The following DNAH9 variants were observed in gnomAD, a reference collection of about 807,000 sequenced individuals.
DNAH9 encodes the protein dynein axonemal heavy chain 9.
DNAH9 carries 345 observed loss-of-function variants against 471.6 expected under a neutral mutation model. That is an observed-to-expected ratio of 0.73 (90% CI 0.67 to 0.80). The LOEUF (loss-of-function observed/expected upper bound fraction) is 0.80, where lower values mean the gene tolerates loss of function less well. DNAH9 is among the 30% of genes least tolerant of loss of function. The pLI is 0.00. For missense variants in DNAH9, 5,407 were observed against 5,609.2 expected (o/e 0.96, Z 1.15); for synonymous variants, 2,093 against 2,123.6 (o/e 0.99, Z 0.40).
intron 38 of DNAH9, among the ~76,000 whole-genome samples, chr17:11,772,152 T>A (rs1200612136): frequency 6.6e-6 from 1 of 152,118 alleles, no homozygotes; most frequent in Non-Finnish European, 1.5e-5. Flanking sequence ...ACTATTCAAG[T>A]ATTCCAGAGG....
intron 45 of DNAH9, among the ~76,000 whole-genome samples, chr17:11,819,941 C>G (rs879891691): frequency 1.3e-5 from 2 of 151,888 alleles, no homozygotes; most frequent in Non-Finnish European, 2.9e-5. Context: ...TTTATTTTTT[C>G]TTAATTTTTT....
intron 52 of DNAH9, 91 bp from the exon 53 acceptor site, chr17:11,874,855 AAGG>A: frequency 1.1e-6 from 1 of 870,898 alleles, no homozygotes; most frequent in Non-Finnish European, 1.9e-6. Flanking sequence ...CTTGCTTTTA[AAGG>A]AGTTGTGTCA....
intron 13 of DNAH9, among the ~76,000 whole-genome samples, 182 bp from the exon 14 acceptor site, chr17:11,652,579 C>G (rs1221583489): frequency 6.6e-6 from 1 of 152,100 alleles, no homozygotes; most frequent in African/African-American, 2.4e-5. Flanking sequence ...CCCACCGTGC[C>G]CGGCCAGGGT....
At chr17:11,654,529 C>G (rs1257041803) in intron 14 of DNAH9, among the ~76,000 whole-genome samples, 3 of 151,830 alleles carry the variant, frequency 2.0e-5, no homozygotes, top group African/African-American at 2.4e-5. Context: ...GAGACAAGCA[C>G]AGTGACCTAG....
chr17:11,602,668 T>G (rs945224766), intron 1 of DNAH9, among the ~76,000 whole-genome samples: 3 of 152,178 alleles, frequency 2.0e-5, no homozygotes, highest in African/African-American at 7.2e-5. Context: ...TGTGGTTATT[T>G]CCAAAGACAT....
intron 67 of DNAH9, among the ~76,000 whole-genome samples, chr17:11,950,686 A>C (rs1343554634): frequency 6.6e-6 from 1 of 152,178 alleles, no homozygotes; most frequent in Non-Finnish European, 1.5e-5. Flanking sequence ...TTTTTCAAGC[A>C]CATTATCTCT....
chr17:11,943,475 G>A (rs1035254709), intron 67 of DNAH9, among the ~76,000 whole-genome samples: 4 of 151,950 alleles, frequency 2.6e-5, no homozygotes, highest in African/African-American at 4.8e-5. Flanking sequence ...TCAGGAGATC[G>A]AGACCACCCT....
chr17:11,962,364 T>C lies in DNAH9; in HGVS notation c.13233+108T>C. On this transcript the variant is annotated intron_variant, in intron 68 of 68. Coordinates refer to ENST00000262442, the MANE Select transcript of DNAH9 (RefSeq NM_001372.4). The surrounding 1 kb of genome is among the most constrained non-coding windows in gnomAD (Gnocchi z 4.1). ...AGAGATATTCCTGAATCTTTTTCTC[T>C]AGCTAACCTTCTTTCCTTGAGGCCA... is the stretch of plus-strand genomic sequence containing the variant. The C allele has an allele frequency of 6.9e-7, 1 of 1,444,076 alleles. No individual in the cohort carries two copies. Among genetic ancestry groups the C allele is most frequent in the South Asian group, 1.5e-5 (1 of 66,856 alleles). The allele number at this position is 1,444,076 out of a possible 1,614,324, so 89.5% of individuals were successfully genotyped here. A position where few individuals can be genotyped will look rare whatever the true frequency, so the allele number is the denominator to read the frequency against.
At chr17:11,685,328 TA>T (rs1247321963) in intron 19 of DNAH9, among the ~76,000 whole-genome samples, 3 of 152,056 alleles carry the variant, frequency 2.0e-5, no homozygotes, top group Admixed American at 2.0e-4. Context: ...GATGAAAATG[TA>T]AGAAACAGCT....
intron 35 of DNAH9, 52 bp from the exon 36 acceptor site, chr17:11,763,388 C>A (rs1178870645): frequency 1.3e-6 from 2 of 1,536,892 alleles, no homozygotes; most frequent in Non-Finnish European, 1.8e-6. Flanking sequence ...AACAGCACCA[C>A]CAGAATGGAA....
At chr17:11,795,670 T>C (rs1969215317) in intron 42 of DNAH9, among the ~76,000 whole-genome samples, 1 of 152,198 alleles carries the variant, frequency 6.6e-6, no homozygotes, top group Admixed American at 6.5e-5. Context: ...CATCATAGAG[T>C]TACCCAATTC....
Position 11,864,218 on chromosome 17 carries a change from T to C in DNAH9, c.9934-4916T>C, listed in dbSNP as rs897508434. On this transcript the variant is annotated intron_variant, in intron 50 of 68. Coordinates refer to ENST00000262442, the MANE Select transcript of DNAH9 (RefSeq NM_001372.4). ...ATGTGTCCCAGAGATTCTGGTATGT[T>C]GTGTCTTTATTCTCATTGGTTTCAA... 4.2e-4 allele frequency among the ~76,000 whole-genome samples: 61 copies of C among 144,242 alleles called. 1 individual carries two copies. The highest frequency in any genetic ancestry group is 1.5e-3 in the African/African-American group (58 of 38,798). 94.6% of individuals were successfully genotyped at this position (144,242 alleles called of 152,430 possible).
intron 38 of DNAH9, among the ~76,000 whole-genome samples, chr17:11,769,928 T>G (rs901023216): frequency 7.9e-5 from 12 of 152,250 alleles, no homozygotes; most frequent in Non-Finnish European, 1.5e-4. Flanking sequence ...ACAGTCTCCT[T>G]TTTTATGGAA....
intron 36 of DNAH9, among the ~76,000 whole-genome samples, chr17:11,764,530 C>G (rs765635593): frequency 6.6e-6 from 1 of 152,054 alleles, no homozygotes; most frequent in African/African-American, 2.4e-5. Context: ...TTCCATTGCT[C>G]CCTCCCCCAG....
rs113409886 is a variant in DNAH9, at chr17:11,834,932, T to G, written c.9507+34T>G. The G allele has an allele frequency of 1.4e-5, 22 of 1,602,118 alleles. 1 individual carries two copies. The African/African-American group carries it at 1.5e-4, about 11-fold the overall frequency. On this transcript the variant is annotated intron_variant, in intron 49 of 68. Transcript: ENST00000262442. ...ACTGTCTGCCATACCTGCTCATCCC[T>G]CAGGGGCTGGTAGACGCAGAGACCA...
At chr17:11,900,633 G>C (rs1973378517) in intron 59 of DNAH9, among the ~76,000 whole-genome samples, 1 of 151,848 alleles carries the variant, frequency 6.6e-6, no homozygotes, top group African/African-American at 2.4e-5. Context: ...TGAAAGGCTT[G>C]TGTTTTTTGT....
At position 11,834,775 on chromosome 17, in the gene DNAH9, G is replaced by A. The variant is rs1275580466; in HGVS notation, c.9384G>A (p.Glu3128=). Residue 3128 remains glutamate (E), a synonymous_variant, in exon 49 of 69, where the codon GAG becomes GAA. Coordinates refer to ENST00000262442, the MANE Select transcript of DNAH9 (RefSeq NM_001372.4). ...VSREKAMADE[E]EQKVAVIMLE... Reference sequence around the variant, plus strand: ...GAGAGAAAGCCATGGCAGATGAAGAGGAGCAGAAGGTGGCCGTCATCATGC... The same window carrying A: ...GAGAGAAAGCCATGGCAGATGAAGAAGAGCAGAAGGTGGCCGTCATCATGC... The A allele has an allele frequency of 3.1e-6, 5 of 1,614,140 alleles. No homozygotes were observed. The highest frequency in any genetic ancestry group is 3.4e-6 in the Non-Finnish European group (4 of 1,180,018).
chr17:11,647,788 T>A (rs1298373371), intron 12 of DNAH9, among the ~76,000 whole-genome samples: 3 of 151,972 alleles, frequency 2.0e-5, no homozygotes, highest in Non-Finnish European at 4.4e-5. Flanking sequence ...CCCAGAGGAG[T>A]GGCTTTGGAA....
chr17:11,744,962 C>G lies in DNAH9; in HGVS notation c.6277C>G (p.Leu2093Val). Reference sequence around the variant, plus strand: ...TGATGACATGCCCATCTTCATGGGCCTGATCGGGGACCTCTTTCCCGCCCT... The same window carrying G: ...TGATGACATGCCCATCTTCATGGGCGTGATCGGGGACCTCTTTCCCGCCCT... ...VTDDMPIFMG[L>V]IGDLFPALDV... The change falls in exon 31 of 69, where the codon CTG (leucine) becomes GTG (valine). Residue 2093 changes from leucine to valine, a missense_variant. This residue lies in a region of DNAH9 where 4,636 missense variants were observed against 4,900.3 expected (regional missense o/e 0.95). Coordinates refer to ENST00000262442, the MANE Select transcript of DNAH9 (RefSeq NM_001372.4). 6 of 1,614,154 alleles carry G rather than the reference C, an allele frequency of 3.7e-6. No homozygotes were observed. Among genetic ancestry groups the G allele is most frequent in the Non-Finnish European group, 5.1e-6 (6 of 1,180,000 alleles).
Sources: gnomAD v4.1 joint callset for allele counts (sites outside exome capture counted in the v4.1 genomes callset) on GRCh38, gnomAD v4.1.1 for gene constraint, gnomAD v4.1.1 regional missense constraint, Gnocchi (gnomAD v3.1) non-coding constraint, MANE v1.5 for transcripts, NCBI Gene and HGNC (gene_info 2026-07-23, HGNC 2026-07-21) for gene names.